Variants in SNX4 observed in about 807,000 individuals in gnomAD.
The protein encoded by SNX4 is sorting nexin 4.
In SNX4, 49 loss-of-function variants were observed where a neutral mutation model predicts 70.8. The observed-to-expected ratio is 0.69, with a 90% confidence interval of 0.55 to 0.88. SNX4 has a LOEUF of 0.88. Ranked by LOEUF, SNX4 falls within the 40% of genes least tolerant of loss-of-function variation. The probability of loss-of-function intolerance (pLI) is 0.00; values close to 1 mark genes in which losing one functional copy is unlikely to be tolerated. For missense variants in SNX4, 528 were observed against 544.8 expected (o/e 0.97, Z 0.31); for synonymous variants, 206 against 183.8 (o/e 1.12, Z -0.98).
rs72977787 is a variant in SNX4, at chr3:125,514,840, C to T, written c.141+5192G>A. On this transcript the variant is annotated intron_variant, in intron 1 of 13. Transcript: ENST00000251775. ...CTGGGACCAAAGGCACAGGTCACCACACTAGGCTAATGTTTTTATTTTTTG... is the reference window on the plus strand; with the variant it reads ...CTGGGACCAAAGGCACAGGTCACCATACTAGGCTAATGTTTTTATTTTTTG... Among the ~76,000 whole-genome samples, 764 of 152,264 alleles carry T rather than the reference C, an allele frequency of 5.0e-3. 4 individuals carry two copies. Among genetic ancestry groups the T allele is most frequent in the African/African-American group, 0.017 (720 of 41,554 alleles).
intron 8 of SNX4, among the ~76,000 whole-genome samples, chr3:125,469,952 C>T (rs1215885373): frequency 6.6e-6 from 1 of 152,054 alleles, no homozygotes; most frequent in Non-Finnish European, 1.5e-5. Flanking sequence ...TGCCACTGTT[C>T]TAGTAGCTAA....
At chr3:125,515,185 T>TA (rs35437111) in intron 1 of SNX4, among the ~76,000 whole-genome samples, 6 of 150,506 alleles carry the variant, frequency 4.0e-5, no homozygotes, top group South Asian at 2.1e-4. Flanking sequence ...CCATCTCTAC[T>TA]AAAAAAAAAT....
intron 5 of SNX4, among the ~76,000 whole-genome samples, chr3:125,495,277 T>TATATATATACATATACAC: frequency 3.0e-5 from 3 of 99,618 alleles, no homozygotes; most frequent in Non-Finnish European, 6.1e-5. Context: ...TATATATATA[T>TATATATATACATATACAC]ACACATACAC....
rs747535953 is a variant in SNX4 at position 125,515,358 on chromosome 3, T to A, written c.141+4674A>T. ...CAGAGGGAGACTCTGTCTCAAAAAA[T>A]ATATATATATATATATTTTTGGGTC... On this transcript the variant is annotated intron_variant, in intron 1 of 13. Transcript: ENST00000251775. 4.1e-3 allele frequency among the ~76,000 whole-genome samples: 142 copies of A among 34,604 alleles called. 1 individual carries two copies. Among genetic ancestry groups the A allele is most frequent in the African/African-American group, 0.01 (22 of 2,200 alleles). 22.7% of individuals were successfully genotyped at this position (34,604 alleles called of 152,430 possible). A position where few individuals can be genotyped will look rare whatever the true frequency, so the allele number is the denominator to read the frequency against.
At chr3:125,468,495 G>A (rs1417536000) in intron 9 of SNX4, among the ~76,000 whole-genome samples, 1 of 151,994 alleles carries the variant, frequency 6.6e-6, no homozygotes, top group African/African-American at 2.4e-5. Context: ...GAGGCCAGAA[G>A]TTTGAGACCA....
chr3:125,495,296 ACG>A (rs1368947025), intron 5 of SNX4, among the ~76,000 whole-genome samples: 3 of 139,858 alleles, frequency 2.1e-5, no homozygotes, highest in African/African-American at 2.6e-5. Flanking sequence ...ACACACACAC[ACG>A]TATGTTATTT....
chr3:125,466,312 A>T (rs867118141), intron 9 of SNX4, among the ~76,000 whole-genome samples: 5 of 151,912 alleles, frequency 3.3e-5, no homozygotes, highest in Admixed American at 6.6e-5. Context: ...AAGATAGACT[A>T]AGGACTTAAA....
intron 1 of SNX4, among the ~76,000 whole-genome samples, chr3:125,509,042 A>G (rs571637262): frequency 2.6e-5 from 4 of 152,226 alleles, no homozygotes; most frequent in Middle Eastern, 3.4e-3. Flanking sequence ...TCAAAAGACA[A>G]TATTAACAGG....
At chr3:125,452,051 C>G (rs1031786680) in intron 12 of SNX4, among the ~76,000 whole-genome samples, 1 of 152,086 alleles carries the variant, frequency 6.6e-6, no homozygotes, top group Admixed American at 6.6e-5. Context: ...AAGTGCCTTC[C>G]AGGGGTCACT....
At chr3:125,454,023 C>T in intron 11 of SNX4, 68 bp from the exon 12 acceptor site, 4 of 1,327,838 alleles carry the variant, frequency 3.0e-6, no homozygotes, top group Non-Finnish European at 4.2e-6. Flanking sequence ...TACAATGGAA[C>T]ATTATTCAGC....
At chr3:125,458,798 G>A (rs1407759017) in intron 10 of SNX4, among the ~76,000 whole-genome samples, 1 of 118,288 alleles carries the variant, frequency 8.5e-6, no homozygotes, top group Non-Finnish European at 1.7e-5. Context: ...CTGGGTGAAA[G>A]AGCGAGACTC....
chr3:125,455,617 C>G (rs903563706), intron 11 of SNX4, among the ~76,000 whole-genome samples: 6 of 152,162 alleles, frequency 3.9e-5, no homozygotes, highest in Admixed American at 6.6e-5. Context: ...AAACCAAGGG[C>G]CTAGTTTATA....
intron 1 of SNX4, among the ~76,000 whole-genome samples, chr3:125,512,547 C>T (rs1447693651): frequency 6.6e-6 from 1 of 152,168 alleles, no homozygotes. Context: ...AATAACACAA[C>T]TGAACACCAT....
chr3:125,515,924 A>G (rs556857755), intron 1 of SNX4, among the ~76,000 whole-genome samples: 19 of 152,268 alleles, frequency 1.2e-4, no homozygotes, highest in Admixed American at 3.3e-4. Context: ...ATCTGCTGCT[A>G]AAGTGATGAA....
intron 9 of SNX4, among the ~76,000 whole-genome samples, chr3:125,462,399 G>C (rs142265800): frequency 7.1e-4 from 108 of 152,014 alleles, no homozygotes; most frequent in Admixed American, 1.5e-3. Context: ...AGACCAGCCT[G>C]GGCAACATGG....
chr3:125,494,027 ACT>A (rs1228902755), intron 5 of SNX4, among the ~76,000 whole-genome samples: 1 of 133,904 alleles, frequency 7.5e-6, no homozygotes, highest in Admixed American at 7.9e-5. Context: ...ACAGAGCAAG[ACT>A]CCATCTCAAA....
intron 2 of SNX4, 116 bp downstream of exon 2, chr3:125,504,507 C>A (rs1406331431): frequency 2.0e-6 from 2 of 1,017,398 alleles, no homozygotes; most frequent in African/African-American, 1.6e-5. Flanking sequence ...GAAACAAAGT[C>A]AATCCCGAAA....
intron 1 of SNX4, among the ~76,000 whole-genome samples, chr3:125,505,765 T>C (rs1559824727): frequency 2.6e-5 from 4 of 152,190 alleles, no homozygotes; most frequent in Non-Finnish European, 1.5e-5. Context: ...TCCCTTCATT[T>C]TTCTTTTGAC....
chr3:125,471,370 A>AAAAAAAAAAAAAAAC (rs2089994260), intron 8 of SNX4, among the ~76,000 whole-genome samples: 1 of 147,620 alleles, frequency 6.8e-6, no homozygotes, highest in Non-Finnish European at 1.5e-5. Context: ...AAAAAAAAAA[A>AAAAAAAAAAAAAAAC]AGCTTTTCAC....
Sources: allele counts gnomAD v4.1 joint callset (sites outside exome capture counted in the v4.1 genomes callset), GRCh38; gene constraint gnomAD v4.1.1; transcripts MANE v1.5; gene names NCBI Gene and HGNC (gene_info 2026-07-23, HGNC 2026-07-21).